The following DFFA variants were observed in gnomAD, a reference collection of about 807,000 sequenced individuals.
DFFA encodes DNA fragmentation factor subunit alpha, also known as DFF45.
Under a neutral mutation model 28.0 loss-of-function variants are expected in DFFA, and 14 were observed. The ratio of observed to expected loss-of-function variants is 0.50; its 90% confidence interval spans 0.33 to 0.78. DFFA has a LOEUF of 0.78. Ranked by LOEUF, DFFA falls within the 30% of genes least tolerant of loss-of-function variation. The pLI is 0.02. For synonymous variants in DFFA, 158 were observed against 170.3 expected, an observed-to-expected ratio of 0.93 and a Z score of 0.56; for missense variants, 395 against 407.1, an observed-to-expected ratio of 0.97 and a Z score of 0.26.
rs761102520 is a variant in DFFA, at chr1:10,467,321, C to T, written c.310G>A (p.Ala104Thr). The change falls in exon 3 of 6, where the codon GCT becomes ACT. Residue 104 changes from alanine to threonine, a missense_variant. Transcript: ENST00000377038. The part of the protein sequence containing the change: ...WAYNNSDGGT[A>T]WISQESFDVD... ...TCAAAGGACTCTTGGGAAATCCAAG[C>T]TGTACCTCCATCTGACACATGGGAG... The T allele has an allele frequency of 6.2e-7, 1 of 1,614,190 alleles. No homozygotes were observed. Among genetic ancestry groups the T allele is most frequent in the Non-Finnish European group, 8.5e-7 (1 of 1,180,026 alleles).
rs771645842 is a variant in DFFA, at chr1:10,461,732, T to C, written c.784-30A>G. On this transcript the variant is annotated intron_variant, in intron 5 of 5. Transcript: ENST00000377038. ...AGCAAGAATAAAAACCCCTGAGAAC[T>C]GGGCCTTCTGTGCGCCTCTCCTGCT... 22 of 1,610,966 alleles carry C rather than the reference T, an allele frequency of 1.4e-5. No homozygotes were observed. In the East Asian group the frequency reaches 4.2e-4, roughly 31 times the overall value.
Position 10,460,202 on chromosome 1 carries a change from G to A in DFFA, c.*1288C>T, listed in dbSNP as rs145405906. ...GGGGGTTGCAGTGAGCCGAGAATGT[G>A]CCACTGCACTCCAGACTAGGTGACA... On this transcript the variant is annotated 3_prime_UTR_variant, in exon 6 of 6. Coordinates refer to ENST00000377038, the MANE Select transcript of DFFA (RefSeq NM_004401.3). 1,680 of 151,850 alleles carry A rather than the reference G, an allele frequency of 0.011. 34 individuals are homozygous for A. Among genetic ancestry groups the A allele is most frequent in the African/African-American group, 0.038 (1,582 of 41,458 alleles). The allele number at this position is 151,850 out of a possible 1,614,324, so 9.4% of individuals were successfully genotyped here. A position where few individuals can be genotyped will look rare whatever the true frequency, so the allele number is the denominator to read the frequency against.
chr1:10,459,507 C>T lies in DFFA; in HGVS notation c.*1983G>A, dbSNP rs1188366845. The T allele has an allele frequency of 6.6e-6, 1 of 152,058 alleles. No individual in the cohort carries two copies. The highest frequency in any genetic ancestry group is 1.5e-5 in the Non-Finnish European group (1 of 67,998). The allele number at this position is 152,058 out of a possible 1,614,324, so 9.4% of individuals were successfully genotyped here. A position where few individuals can be genotyped will look rare whatever the true frequency, so the allele number is the denominator to read the frequency against. On this transcript the variant is annotated 3_prime_UTR_variant, in exon 6 of 6. Coordinates refer to ENST00000377038, the MANE Select transcript of DFFA (RefSeq NM_004401.3). ...GAGTGAGATATTAGCAATGGACTCT[C>T]CGTATGTCCCTATGGTCTACAAGCT...
intron 3 of DFFA, among the ~76,000 whole-genome samples, chr1:10,464,156 G>A (rs541306663): frequency 4.0e-5 from 6 of 151,048 alleles, no homozygotes; most frequent in South Asian, 2.1e-4. Context: ...GCAGTGGCAC[G>A]ATCTCGGCTC....
chr1:10,462,987 C>G (rs202059186), intron 5 of DFFA, 71 bp downstream of exon 5: 5 of 1,598,798 alleles, frequency 3.1e-6, no homozygotes, highest in Non-Finnish European at 4.3e-6. Flanking sequence ...GGCCCACACA[C>G]CTCTGCATGA....
At position 10,457,365 on chromosome 1, in the gene DFFA, T is replaced by G. The variant is rs2781227; in HGVS notation, c.*4125A>C. 68,107 of 152,122 alleles carry G rather than the reference T, an allele frequency of 0.45. 15,639 individuals carry two copies. Among genetic ancestry groups the G allele is most frequent in the African/African-American group, 0.56 (23,050 of 41,442 alleles). 9.4% of individuals were successfully genotyped at this position (152,122 alleles called of 1,614,324 possible). A position where few individuals can be genotyped will look rare whatever the true frequency, so the allele number is the denominator to read the frequency against. The stretch of plus-strand genomic sequence containing the variant: ...TCTTGCTATGTTCCCCAGGTCGGTC[T>G]GTCGGTCATGTGGTACTTCATTTAG... On this transcript the variant is annotated 3_prime_UTR_variant, in exon 6 of 6. Transcript: ENST00000377038.
Position 10,461,110 on chromosome 1 carries a change from C to T in DFFA, c.*380G>A, listed in dbSNP as rs936132634. The T allele has an allele frequency of 1.3e-4, 22 of 166,536 alleles. No individual in the cohort carries two copies. Among genetic ancestry groups the T allele is most frequent in the Non-Finnish European group, 2.6e-4 (20 of 76,072 alleles). 10.3% of individuals were successfully genotyped at this position (166,536 alleles called of 1,614,324 possible). A position where few individuals can be genotyped will look rare whatever the true frequency, so the allele number is the denominator to read the frequency against. ...TATTTTTAGTAGAGACAGGGTTTCA[C>T]CATGTTAGCCAGGATGGTCTCGATC... On this transcript the variant is annotated 3_prime_UTR_variant, in exon 6 of 6. Transcript: ENST00000377038.
In DFFA at chr1:10,461,568, G is replaced by T; in HGVS notation, c.918C>A (p.Leu306=). The T allele has an allele frequency of 6.2e-7, 1 of 1,614,230 alleles. No homozygotes were observed. The highest frequency in any genetic ancestry group is 8.5e-7 in the Non-Finnish European group (1 of 1,180,044). ...AGGCCTTGCTTGCTGAGATGCTCCG[G>T]AGAGAATGCAAGCTCTGCGTCTGCT... is the stretch of plus-strand genomic sequence containing the variant. ...RLQQTQSLHS[L]RSISASKASP... The change falls in exon 6 of 6, where the codon CTC becomes CTA. Residue 306 remains leucine, a synonymous_variant. Coordinates refer to ENST00000377038, the MANE Select transcript of DFFA (RefSeq NM_004401.3).
intron 5 of DFFA, chr1:10,462,776 T>C (rs2124339750): frequency 7.8e-7 from 1 of 1,275,118 alleles, no homozygotes; most frequent in Non-Finnish European, 1.0e-6. Flanking sequence ...TCTCAGAAGA[T>C]TGGGCCCTGC....
intron 1 of DFFA, 98 bp from the exon 2 acceptor site, chr1:10,469,436 ACTC>A: frequency 9.6e-7 from 1 of 1,037,312 alleles, no homozygotes; most frequent in Non-Finnish European, 1.4e-6. Flanking sequence ...GCTGAGCAGA[ACTC>A]CTGGTAGGTA....
chr1:10,470,660 C>G (rs1178035594), intron 1 of DFFA, among the ~76,000 whole-genome samples: 1 of 149,722 alleles, frequency 6.7e-6, no homozygotes. Flanking sequence ...CTCCTGACCT[C>G]GTGATCCGCC....
In DFFA at chr1:10,472,430, G is replaced by A. The variant is rs752420810; in HGVS notation, c.29C>T (p.Pro10Leu). The change falls in exon 1 of 6, where the codon CCA (proline) becomes CTA (leucine). Residue 10 changes from proline to leucine, a missense_variant. By Grantham distance (98) the Pro-to-Leu change is moderately conservative. Transcript: ENST00000377038. This position sits in a 1 kb window ranked among gnomAD's most constrained non-coding sequence, Gnocchi z 5.0. ...TAGAGTCCGGATCTCGCCAGATTCT[G>A]GTACCCCGGCGTCCCCGGTCACCTC... The part of the protein sequence containing the change: MEVTGDAGV[P>L]ESGEIRTLKP... The A allele has an allele frequency of 6.2e-7, 1 of 1,611,370 alleles. No homozygotes were observed. Among genetic ancestry groups the A allele is most frequent in the Non-Finnish European group, 8.5e-7 (1 of 1,178,554 alleles).
rs912409387 is a variant in DFFA at position 10,466,342 on chromosome 1, A to C, written c.441+848T>G. 5.3e-5 allele frequency among the ~76,000 whole-genome samples: 8 copies of C among 152,070 alleles called. No individual in the cohort carries two copies. In the East Asian group the frequency reaches 9.7e-4, roughly 18 times the overall value. ...GGGACTACAGGTACAGGTGCACACC[A>C]CCAGGCCCGGCTAATTTTTTGTATT... On this transcript the variant is annotated intron_variant, in intron 3 of 5. Transcript: ENST00000377038.
Position 10,457,749 on chromosome 1 carries a change from A to G in DFFA, c.*3741T>C, listed in dbSNP as rs141640919. On this transcript the variant is annotated 3_prime_UTR_variant, in exon 6 of 6. Coordinates refer to ENST00000377038, the MANE Select transcript of DFFA (RefSeq NM_004401.3). ...CAAGCTTGGAGCCTTAGACTAACTGAGAGGTTAGACTCAAGCCGGTTTGTC... is the reference window on the plus strand; with the variant it reads ...CAAGCTTGGAGCCTTAGACTAACTGGGAGGTTAGACTCAAGCCGGTTTGTC... 1 of 152,250 alleles carries G rather than the reference A, an allele frequency of 6.6e-6. No individual in the cohort carries two copies. Among genetic ancestry groups the G allele is most frequent in the African/African-American group, 2.4e-5 (1 of 41,536 alleles). 9.4% of individuals were successfully genotyped at this position (152,250 alleles called of 1,614,324 possible). A position where few individuals can be genotyped will look rare whatever the true frequency, so the allele number is the denominator to read the frequency against.
chr1:10,462,975 A>G (rs1228954461), intron 5 of DFFA, 83 bp downstream of exon 5: 2 of 1,580,068 alleles, frequency 1.3e-6, no homozygotes, highest in East Asian at 4.5e-5. Context: ...GGTGAACAAA[A>G]GGGCCCACAC....
intron 3 of DFFA, among the ~76,000 whole-genome samples, chr1:10,464,217 T>C (rs1439910768): frequency 6.6e-6 from 1 of 151,910 alleles, no homozygotes; most frequent in Non-Finnish European, 1.5e-5. Flanking sequence ...CTCAGCCTCC[T>C]GAGCAGCTGG....
intron 2 of DFFA, among the ~76,000 whole-genome samples, chr1:10,468,367 AT>A (rs1217112169): frequency 6.6e-6 from 1 of 150,698 alleles, no homozygotes; most frequent in Non-Finnish European, 1.5e-5. Flanking sequence ...GGAGTCATTT[AT>A]TCTTGGTTAT....
At position 10,463,093 on chromosome 1, in the gene DFFA, C is replaced by G. The variant is rs370681036; in HGVS notation, c.748G>C (p.Ala250Pro). ...HILTALREKQ[A>P]PELSLSSQDL... ...TGACTAGATAAGCTCAGCTCTGGAG[C>G]CTGCTTCTCCCTCAGTGCAGTAAGG... The change falls in exon 5 of 6, where the codon GCT becomes CCT. Residue 250 changes from alanine to proline, a missense_variant. Transcript: ENST00000377038. 3.0e-5 allele frequency: 49 copies of G among 1,614,128 alleles called. No homozygotes were observed. In the African/African-American group the frequency reaches 6.1e-4, roughly 20 times the overall value.
In DFFA at chr1:10,467,506, CTT is replaced by C. The variant is rs1277387446; in HGVS notation, c.299-176_299-175del. Among the ~76,000 whole-genome samples the C allele has an allele frequency of 7.9e-5, 12 of 151,578 alleles. No homozygotes were observed. In the South Asian group the frequency reaches 1.3e-3, roughly 16 times the overall value. On this transcript the variant is annotated intron_variant, in intron 2 of 5. Transcript: ENST00000377038. Reference sequence around the variant, plus strand: ...TCCATCCAGGACCTTGATTTTCCCTCTTCTTTCATTTTTTTTTTTTTTGAGAC... The same window carrying C: ...TCCATCCAGGACCTTGATTTTCCCTCCTTTCATTTTTTTTTTTTTTGAGAC...
Sources: gnomAD v4.1 joint callset for allele counts (sites outside exome capture counted in the v4.1 genomes callset) on GRCh38, gnomAD v4.1.1 for gene constraint, Gnocchi (gnomAD v3.1) non-coding constraint, MANE v1.5 for transcripts, NCBI Gene and HGNC (gene_info 2026-07-23, HGNC 2026-07-21) for gene names.